CSMD1: variants seen among roughly 807,000 people sequenced by gnomAD.
The protein encoded by CSMD1 is CUB and sushi domain-containing protein 1.
A neutral mutation model predicts 417.5 loss-of-function variants in CSMD1; 213 were observed. The ratio of observed to expected loss-of-function variants is 0.51; its 90% CI spans 0.46 to 0.57. CSMD1 has a LOEUF of 0.57. CSMD1 is among the 20% of genes least tolerant of loss of function. The pLI is 0.00. For synonymous variants in CSMD1, 2,862 were observed against 1,736.8 expected, an observed-to-expected ratio of 1.65 and a Z score of -16.11; for missense variants, 6,923 against 4,529.7, an observed-to-expected ratio of 1.53 and a Z score of -15.17.
At chr8:3,604,434 T>G (rs1375948282) in intron 8 of CSMD1, among the ~76,000 whole-genome samples, 1 of 152,068 alleles carries the variant, frequency 6.6e-6, no homozygotes, top group African/African-American at 2.4e-5. Context: ...TTAGCATTGC[T>G]GAGAGGACAG....
intron 3 of CSMD1, among the ~76,000 whole-genome samples, chr8:4,102,516 C>A (rs1801357871): frequency 6.6e-6 from 1 of 152,130 alleles, no homozygotes. Flanking sequence ...AACTTAGCGA[C>A]AATGGGGAGG....
chr8:4,589,286 T>C (rs1433794595), intron 2 of CSMD1, among the ~76,000 whole-genome samples: 3 of 152,230 alleles, frequency 2.0e-5, no homozygotes, highest in Non-Finnish European at 2.9e-5. Flanking sequence ...CCTCTGCATA[T>C]ATTATGCCAA....
At chr8:3,626,988 G>A (rs984446611) in intron 7 of CSMD1, among the ~76,000 whole-genome samples, 25 of 151,664 alleles carry the variant, frequency 1.6e-4, no homozygotes, top group African/African-American at 4.4e-4. Context: ...ACCATAGTAC[G>A]ATATATAAAA....
In CSMD1 at chr8:4,608,719, A is replaced by C. The variant is rs536471873; in HGVS notation, c.302+28623T>G. Among the ~76,000 whole-genome samples, 10 of 152,364 alleles carry C rather than the reference A, an allele frequency of 6.6e-5. No individual in the cohort carries two copies. In the East Asian group the frequency reaches 1.4e-3, roughly 21 times the overall value. ...AAAATTATCCTTCAGGCATTTCAGA[A>C]GTGAAGTCTGTGACGATGTGTTTTC... On this transcript the variant is annotated intron_variant, in intron 2 of 69. Coordinates refer to ENST00000635120, the MANE Select transcript of CSMD1 (RefSeq NM_033225.6).
chr8:3,675,851 C>T (rs571662595), intron 7 of CSMD1, among the ~76,000 whole-genome samples: 2 of 152,278 alleles, frequency 1.3e-5, no homozygotes, highest in African/African-American at 4.8e-5. Context: ...CCACCTTATG[C>T]AAATTTTCTA....
At chr8:4,560,754 C>T (rs982692183) in intron 2 of CSMD1, among the ~76,000 whole-genome samples, 3 of 152,202 alleles carry the variant, frequency 2.0e-5, no homozygotes, top group African/African-American at 7.2e-5. Flanking sequence ...TTCCTTCCTC[C>T]TATTCTTCAG....
At chr8:4,737,203 G>T (rs1200408085) in intron 1 of CSMD1, among the ~76,000 whole-genome samples, 1 of 152,238 alleles carries the variant, frequency 6.6e-6, no homozygotes, top group East Asian at 1.9e-4. Context: ...GATGGAACTG[G>T]AGGCCATTAT....
intron 1 of CSMD1, among the ~76,000 whole-genome samples, chr8:4,934,484 A>T (rs539077207): frequency 9.7e-4 from 148 of 152,316 alleles, no homozygotes; most frequent in African/African-American, 3.3e-3. Flanking sequence ...AGTTATAGAA[A>T]ATACGAAGAG....
At chr8:3,613,765 C>G (rs953820922) in intron 8 of CSMD1, among the ~76,000 whole-genome samples, 2 of 149,652 alleles carry the variant, frequency 1.3e-5, no homozygotes, top group African/African-American at 2.4e-5. Context: ...CAGAAGGATA[C>G]TTCCTCAAAC....
At chr8:4,295,935 C>T (rs1271790238) in intron 3 of CSMD1, among the ~76,000 whole-genome samples, 2 of 151,624 alleles carry the variant, frequency 1.3e-5, no homozygotes, top group African/African-American at 2.4e-5. Flanking sequence ...AGGAACACAG[C>T]ATGTCCCAGA....
chr8:4,794,951 T>C (rs973737544), intron 1 of CSMD1, among the ~76,000 whole-genome samples: 2 of 151,852 alleles, frequency 1.3e-5, no homozygotes, highest in African/African-American at 2.4e-5. Context: ...CTACTATTGT[T>C]TCCATGGTGG....
intron 6 of CSMD1, among the ~76,000 whole-genome samples, chr8:3,724,661 A>G (rs1905030): frequency 0.86 from 130,402 of 151,998 alleles, 56,075 homozygotes; most frequent in Middle Eastern, 0.93. Context: ...GGGCTCAACC[A>G]TGAGAATTCA....
chr8:4,077,501 A>C (rs1799896448), intron 3 of CSMD1, among the ~76,000 whole-genome samples: 1 of 151,880 alleles, frequency 6.6e-6, no homozygotes, highest in Admixed American at 6.6e-5. Context: ...GTTTACTTGC[A>C]TTGTTTAACT....
In CSMD1 at chr8:4,840,440, G is replaced by C. The variant is rs146249537; in HGVS notation, c.85+153892C>G. ...AACCACTTATATGTTGAAGACTATA[G>C]TCAGTTCTGAAAACATACGATATAA... On this transcript the variant is annotated intron_variant, in intron 1 of 69. Transcript: ENST00000635120. Among the ~76,000 whole-genome samples, 589 of 152,260 alleles carry C rather than the reference G, an allele frequency of 3.9e-3. 2 individuals are homozygous for C. The highest frequency in any genetic ancestry group is 0.013 in the African/African-American group (556 of 41,548).
chr8:4,158,229 G>T (rs182545001), intron 3 of CSMD1, among the ~76,000 whole-genome samples: 122 of 151,990 alleles, frequency 8.0e-4, no homozygotes, highest in Middle Eastern at 3.4e-3. Context: ...ATTGATGCTA[G>T]GACGGAGGAT....
chr8:3,071,670 A>C (rs1401194919), intron 49 of CSMD1, among the ~76,000 whole-genome samples: 1 of 152,246 alleles, frequency 6.6e-6, no homozygotes, highest in East Asian at 1.9e-4. Flanking sequence ...TTGAATGCAT[A>C]AGGCTTTTTG....
intron 5 of CSMD1, among the ~76,000 whole-genome samples, chr8:3,794,404 C>G (rs1055468738): frequency 6.6e-6 from 1 of 152,156 alleles, no homozygotes; most frequent in African/African-American, 2.4e-5. Flanking sequence ...TTTTCTATCA[C>G]TAACAACCTG....
At chr8:3,159,340 T>C (rs1047517400) in intron 38 of CSMD1, among the ~76,000 whole-genome samples, 8 of 152,226 alleles carry the variant, frequency 5.3e-5, no homozygotes, top group Non-Finnish European at 8.8e-5. Flanking sequence ...ATTTATTTAC[T>C]AGTTTTTACA....
chr8:4,866,428 G>A (rs963362947), intron 1 of CSMD1, among the ~76,000 whole-genome samples: 1 of 151,868 alleles, frequency 6.6e-6, no homozygotes, highest in Non-Finnish European at 1.5e-5. Context: ...AGATAATCTT[G>A]ATAAAAGAAG....
Sources: allele counts gnomAD v4.1 joint callset (sites outside exome capture counted in the v4.1 genomes callset), GRCh38; gene constraint gnomAD v4.1.1; transcripts MANE v1.5; gene names NCBI Gene and HGNC (gene_info 2026-07-23, HGNC 2026-07-21).